The following TTLL12 variants were observed in gnomAD, a reference collection of about 807,000 sequenced individuals.
TTLL12 encodes tubulin--tyrosine ligase-like protein 12.
TTLL12 carries 77 observed loss-of-function variants against 79.6 expected under a neutral mutation model. The ratio of observed to expected loss-of-function variants is 0.97; its 90% CI spans 0.81 to 1.17. The LOEUF (loss-of-function observed/expected upper bound fraction) is 1.17. Ranked by LOEUF, TTLL12 falls within the 50% of genes most tolerant of loss-of-function variation. The pLI is 0.00. For missense variants in TTLL12, 969 were observed against 895.9 expected (o/e 1.08, Z -1.04); for synonymous variants, 437 against 376.1 (o/e 1.16, Z -1.87).
At position 43,179,891 on chromosome 22, in the gene TTLL12, T is replaced by A. The variant is rs1406504772; in HGVS notation, c.656A>T (p.Gln219Leu). The A allele has an allele frequency of 6.2e-7, 1 of 1,610,794 alleles. No homozygotes were observed. The highest frequency in any genetic ancestry group is 1.7e-5 in the Admixed American group (1 of 59,962). ...FATAPFFYMP[Q>L]QVAYTLLWPL... ...CCACAGCAGCGTGTAGGCCACCTGC[T>A]GCGGCATGTAGAAGAAGGGTGCCGT... Residue 219 changes from glutamine to leucine, a missense_variant, in exon 4 of 14, where the codon CAG (glutamine) becomes CTG (leucine). By Grantham distance (113) the Gln-to-Leu change is moderately radical (BLOSUM62 -2). Coordinates refer to ENST00000216129, the MANE Select transcript of TTLL12 (RefSeq NM_015140.4).
chr22:43,171,417 C>A (rs1372640037), intron 11 of TTLL12, among the ~76,000 whole-genome samples: 1 of 152,222 alleles, frequency 6.6e-6, no homozygotes, highest in Non-Finnish European at 1.5e-5. Context: ...GGCAGGGTCA[C>A]GGGCCAGCAG....
intron 2 of TTLL12, among the ~76,000 whole-genome samples, chr22:43,182,222 G>A (rs558054038): frequency 5.6e-4 from 85 of 152,338 alleles, no homozygotes; most frequent in Non-Finnish European, 9.4e-4. Context: ...GGCCTGAGCC[G>A]CACAGGAGAA....
At chr22:43,169,202 C>T (rs978039976) in intron 12 of TTLL12, among the ~76,000 whole-genome samples, 7 of 152,214 alleles carry the variant, frequency 4.6e-5, no homozygotes, top group African/African-American at 1.7e-4. Flanking sequence ...GGAGGCCCAG[C>T]CAACGTCTCC....
chr22:43,178,628 G>A (rs969148248), intron 5 of TTLL12, among the ~76,000 whole-genome samples: 15 of 152,104 alleles, frequency 9.9e-5, no homozygotes, highest in East Asian at 3.9e-4. Flanking sequence ...GCCTCCACGC[G>A]CCCACTCTCA....
At chr22:43,170,907 T>C (rs998600862) in intron 11 of TTLL12, among the ~76,000 whole-genome samples, 6 of 152,242 alleles carry the variant, frequency 3.9e-5, no homozygotes, top group African/African-American at 1.2e-4. Flanking sequence ...GCGTGAGACA[T>C]TGTCTCTCAA....
intron 5 of TTLL12, among the ~76,000 whole-genome samples, chr22:43,179,338 G>A (rs970103742): frequency 2.0e-5 from 3 of 152,066 alleles, no homozygotes; most frequent in African/African-American, 7.2e-5. Context: ...AAGACCAACT[G>A]CACAGCCCCC....
In TTLL12 at chr22:43,186,957, G is replaced by A. The variant is rs1242197352; in HGVS notation, c.113C>T (p.Ala38Val). Residue 38 changes from alanine to valine, a missense_variant, in exon 1 of 14, where the codon GCG becomes GTG. By Grantham distance (64) the Ala-to-Val change is moderately conservative. Coordinates refer to ENST00000216129, the MANE Select transcript of TTLL12 (RefSeq NM_015140.4). ...LAEFAALHGP[A>V]LRASGVPERY... is the part of the protein sequence containing the mutation. ...TTCGGGGACCCCCGAAGCGCGCAGC[G>A]CCGGGCCGTGCAGCGCCGCGAACTC... is the stretch of plus-strand genomic sequence containing the variant. The A allele has an allele frequency of 4.5e-6, 6 of 1,344,066 alleles. No individual in the cohort carries two copies. The Admixed American group carries it at 9.4e-5, about 21-fold the overall frequency. The allele number at this position is 1,344,066 out of a possible 1,614,324, so 83.3% of individuals were successfully genotyped here.
At chr22:43,171,379 C>A (rs992576191) in intron 11 of TTLL12, among the ~76,000 whole-genome samples, 11 of 152,214 alleles carry the variant, frequency 7.2e-5, no homozygotes, top group African/African-American at 2.7e-4. Flanking sequence ...ACACTGTGCA[C>A]CAGGGAGGAC....
At chr22:43,171,925 T>A (rs1931776473) in intron 10 of TTLL12, 25 bp from the exon 11 acceptor site, 6 of 1,608,944 alleles carry the variant, frequency 3.7e-6, no homozygotes, top group Middle Eastern at 1.7e-4. Flanking sequence ...TGCAGACACA[T>A]ATGGGTTCTT....
In TTLL12 at chr22:43,179,611, G is replaced by C; in HGVS notation, c.840+8C>G. 1 of 1,571,374 alleles carries C rather than the reference G, an allele frequency of 6.4e-7. No homozygotes were observed. The highest frequency in any genetic ancestry group is 8.6e-7 in the Non-Finnish European group (1 of 1,160,362). On this transcript the variant is annotated splice_region_variant and intron_variant, in intron 5 of 13. Transcript: ENST00000216129. ...CAGACAGGCCTGGTGGGTGGAGGAG[G>C]GCTGCACCTGGTAGTGCTCGGCGGG...
At chr22:43,182,039 G>GAAGCAGAAAGGCCCA (rs1569486959) in intron 2 of TTLL12, among the ~76,000 whole-genome samples, 2,256 of 151,648 alleles carry the variant, frequency 0.015, 59 homozygotes, top group African/African-American at 0.052. Context: ...AGAAAGGCCC[G>GAAGCAGAAAGGCCCA]GAAGCAGGTG....
At chr22:43,172,590 G>A (rs759478751) in intron 9 of TTLL12, 36 bp from the exon 10 acceptor site, 11 of 1,612,924 alleles carry the variant, frequency 6.8e-6, no homozygotes, top group Middle Eastern at 1.6e-4. Flanking sequence ...TGGTGGCCAG[G>A]ACAGAGCCCC....
chr22:43,176,899 A>T (rs939835783), intron 5 of TTLL12, among the ~76,000 whole-genome samples: 5 of 152,000 alleles, frequency 3.3e-5, no homozygotes, highest in Non-Finnish European at 5.9e-5. Context: ...GGCCCCTCGG[A>T]TGCCGAACAG....
intron 2 of TTLL12, among the ~76,000 whole-genome samples, chr22:43,182,129 C>A (rs144714255): frequency 1.3e-5 from 2 of 149,632 alleles, no homozygotes; most frequent in East Asian, 3.9e-4. Context: ...AGGCTGGCAG[C>A]GGGGTATGTG....
intron 8 of TTLL12, 115 bp downstream of exon 8, chr22:43,174,094 C>A: frequency 7.2e-7 from 1 of 1,387,762 alleles, no homozygotes; most frequent in African/African-American, 1.4e-5. Flanking sequence ...GGGCCCACAG[C>A]TCGGCTCCTG....
Position 43,171,846 on chromosome 22 carries a change from G to A in TTLL12, c.1548C>T (p.Asn516=). The stretch of plus-strand genomic sequence containing the variant: ...GCTTCAGCACCACATCCGGGTCATA[G>A]TTCATGACCGTGAAGTGCTTCTCGT... ...DDYEKHFTVM[N]YDPDVVLKQV... The change falls in exon 11 of 14, where the codon AAC becomes AAT. Residue 516 remains asparagine (N), a synonymous_variant. Coordinates refer to ENST00000216129, the MANE Select transcript of TTLL12 (RefSeq NM_015140.4). 6.2e-7 allele frequency: 1 copy of A among 1,614,164 alleles called. No homozygotes were observed. The highest frequency in any genetic ancestry group is 1.3e-5 in the African/African-American group (1 of 75,062).
chr22:43,178,943 G>C (rs1021434290), intron 5 of TTLL12, among the ~76,000 whole-genome samples: 4 of 152,200 alleles, frequency 2.6e-5, no homozygotes, highest in Admixed American at 6.5e-5. Flanking sequence ...GGAAGCAGCA[G>C]CAGATGGGAG....
chr22:43,180,765 G>C lies in TTLL12; in HGVS notation c.523C>G (p.Gln175Glu). The C allele has an allele frequency of 1.2e-6, 2 of 1,613,130 alleles. No homozygotes were observed. The highest frequency in any genetic ancestry group is 1.1e-5 in the South Asian group (1 of 91,084). The change falls in exon 3 of 14, where the codon CAG (glutamine) becomes GAG (glutamate). Residue 175 changes from glutamine to glutamate, a missense_variant. Transcript: ENST00000216129. ...LVLEEMWKFN[Q>E]TYQLAHGTAE... ...ACCCCATGGGCCAGCTGGTAGGTCT[G>C]GTTGAACTTCCACATCTCCTCCAGC...
intron 2 of TTLL12, among the ~76,000 whole-genome samples, chr22:43,181,782 T>C (rs1932062779): frequency 6.6e-6 from 1 of 152,206 alleles, no homozygotes; most frequent in Non-Finnish European, 1.5e-5. Context: ...GGAGTATTTA[T>C]CTTATTGTGC....
Sources: allele counts gnomAD v4.1 joint callset (sites outside exome capture counted in the v4.1 genomes callset), GRCh38; gene constraint gnomAD v4.1.1; transcripts MANE v1.5; gene names NCBI Gene and HGNC (gene_info 2026-07-23, HGNC 2026-07-21).